NFIB: variants seen among roughly 807,000 people sequenced by gnomAD.
NFIB encodes nuclear factor I B, also known as nuclear factor 1 B-type.
NFIB carries 11 observed loss-of-function variants against 61.5 expected under a neutral mutation model. That is an observed-to-expected ratio of 0.18 (90% CI 0.11 to 0.30). The LOEUF is 0.30. Ranked by LOEUF, NFIB falls within the 10% of genes least tolerant of loss-of-function variation. NFIB has a pLI of 1.00. For missense variants in NFIB, 471 were observed against 608.9 expected, an observed-to-expected ratio of 0.77 and a Z score of 2.38; for synonymous variants, 260 against 216.5, an observed-to-expected ratio of 1.20 and a Z score of -1.76.
intron 1 of NFIB, among the ~76,000 whole-genome samples, chr9:14,385,961 T>G (rs962001681): frequency 3.9e-5 from 6 of 152,006 alleles, no homozygotes; most frequent in Non-Finnish European, 5.9e-5. Flanking sequence ...TTTTGTATGT[T>G]CAGTAGAGAC....
At chr9:14,502,090 G>A in the NFIB span, among the ~76,000 whole-genome samples, 1 of 152,178 alleles carries the variant, frequency 6.6e-6, no homozygotes, top group African/African-American at 2.4e-5. Flanking sequence ...GGGCCACATA[G>A]ACTTCAGAAT....
intron 2 of NFIB, among the ~76,000 whole-genome samples, chr9:14,279,972 T>C (rs2058261531): frequency 6.6e-6 from 1 of 152,212 alleles, no homozygotes; most frequent in South Asian, 2.1e-4. Context: ...ATTGCTCTGA[T>C]AGCAGCTGAA....
the NFIB span, among the ~76,000 whole-genome samples, chr9:14,467,054 C>T: frequency 5.3e-5 from 8 of 152,128 alleles, no homozygotes; most frequent in African/African-American, 1.9e-4. Flanking sequence ...GGCAGGAGAA[C>T]CAGCAAAAGT....
the NFIB span, among the ~76,000 whole-genome samples, chr9:14,445,374 G>T: frequency 6.6e-6 from 1 of 151,944 alleles, no homozygotes; most frequent in African/African-American, 2.4e-5. Flanking sequence ...TCTTTTTCCT[G>T]ATCTTCAAGA....
At chr9:14,102,824 C>T (rs959661459) in intron 10 of NFIB, among the ~76,000 whole-genome samples, 4 of 151,986 alleles carry the variant, frequency 2.6e-5, no homozygotes, top group Non-Finnish European at 5.9e-5. Context: ...CGTTAATGTT[C>T]AATAGAGAGA....
At chr9:14,224,756 G>A (rs532112217) in intron 2 of NFIB, among the ~76,000 whole-genome samples, 2 of 152,214 alleles carry the variant, frequency 1.3e-5, no homozygotes, top group South Asian at 2.1e-4. Context: ...GGGTTGGGGC[G>A]GTCCTAGAAC....
chr9:14,292,471 C>T (rs2132551560), intron 2 of NFIB, among the ~76,000 whole-genome samples: 1 of 152,314 alleles, frequency 6.6e-6, no homozygotes, highest in East Asian at 1.9e-4. Context: ...ATTTAACAAG[C>T]ATGTGCTAAA....
At chr9:14,494,608 C>T in the NFIB span, among the ~76,000 whole-genome samples, 1 of 152,180 alleles carries the variant, frequency 6.6e-6, no homozygotes, top group Non-Finnish European at 1.5e-5. Context: ...ATGGTTCTTA[C>T]TTCTTCTCTT....
chr9:14,143,739 A>T (rs1357689271), intron 6 of NFIB, among the ~76,000 whole-genome samples: 2 of 152,186 alleles, frequency 1.3e-5, no homozygotes, highest in African/African-American at 4.8e-5. Flanking sequence ...TGTGCTTTAG[A>T]CAACTCCCTC....
chr9:14,382,228 G>A (rs545007703), intron 1 of NFIB, among the ~76,000 whole-genome samples: 22 of 152,232 alleles, frequency 1.4e-4, no homozygotes, highest in African/African-American at 4.6e-4. Flanking sequence ...AATTCTTTTC[G>A]AAGCAAAGAA....
chr9:14,320,582 T>C (rs751466858), intron 1 of NFIB, among the ~76,000 whole-genome samples: 1 of 152,234 alleles, frequency 6.6e-6, no homozygotes, highest in Non-Finnish European at 1.5e-5. Flanking sequence ...TTAGGATGCT[T>C]AAAGGTCAGT....
At chr9:14,276,540 T>C (rs1563967307) in intron 2 of NFIB, among the ~76,000 whole-genome samples, 1 of 152,142 alleles carries the variant, frequency 6.6e-6, no homozygotes, top group Non-Finnish European at 1.5e-5. Context: ...GCCAAAGGCA[T>C]TATCTGCGGA....
chr9:14,485,981 A>G, the NFIB span, among the ~76,000 whole-genome samples: 1 of 152,222 alleles, frequency 6.6e-6, no homozygotes, highest in African/African-American at 2.4e-5. Flanking sequence ...AGATACATAT[A>G]AAATAGTGCT....
chr9:14,314,141 C>G lies in NFIB; in HGVS notation c.-630G>C, dbSNP rs1337342138. 1 of 959,854 alleles carries G rather than the reference C, an allele frequency of 1.0e-6. No individual in the cohort carries two copies. Among genetic ancestry groups the G allele is most frequent in the African/African-American group, 2.0e-5 (1 of 49,864 alleles). The allele number at this position is 959,854 out of a possible 1,614,324, so 59.5% of individuals were successfully genotyped here. A position where few individuals can be genotyped will look rare whatever the true frequency, so the allele number is the denominator to read the frequency against. ...GCGCGAGGGGCAGCGTGAGCGAGTG[C>G]GCGCGGGTGGCGGGGCGCGCGCGGG... is the stretch of plus-strand genomic sequence containing the variant. On this transcript the variant is annotated 5_prime_UTR_variant, in exon 1 of 11. Transcript: ENST00000380953.
At chr9:14,487,448 C>T in the NFIB span, among the ~76,000 whole-genome samples, 1 of 152,226 alleles carries the variant, frequency 6.6e-6, no homozygotes, top group African/African-American at 2.4e-5. Flanking sequence ...TTTTGGGAAG[C>T]AAACTAGTAG....
At chr9:14,460,232 G>T in the NFIB span, among the ~76,000 whole-genome samples, 1 of 152,118 alleles carries the variant, frequency 6.6e-6, no homozygotes, top group Non-Finnish European at 1.5e-5. Flanking sequence ...CATGGATGAA[G>T]CTGGAAACCA....
At chr9:14,501,745 G>A in the NFIB span, among the ~76,000 whole-genome samples, 2 of 152,224 alleles carry the variant, frequency 1.3e-5, no homozygotes, top group African/African-American at 4.8e-5. Context: ...TGCAATGAGA[G>A]CATCAGAGGG....
intron 2 of NFIB, among the ~76,000 whole-genome samples, chr9:14,251,274 A>G (rs2055581370): frequency 6.6e-6 from 1 of 152,322 alleles, no homozygotes; most frequent in Non-Finnish European, 1.5e-5. Flanking sequence ...ATACCAACAC[A>G]TAACGAAGGA....
chr9:14,167,703 T>C (rs1395461913), intron 3 of NFIB, among the ~76,000 whole-genome samples: 1 of 152,126 alleles, frequency 6.6e-6, no homozygotes, highest in East Asian at 1.9e-4. Context: ...GAATCACAAG[T>C]GAATCAGAAA....
Sources: allele counts gnomAD v4.1 joint callset (sites outside exome capture counted in the v4.1 genomes callset), GRCh38; gene constraint gnomAD v4.1.1; transcripts MANE v1.5; gene names NCBI Gene and HGNC (gene_info 2026-07-23, HGNC 2026-07-21).